The following GSG1L variants were observed in gnomAD, a reference collection of about 807,000 sequenced individuals.
GSG1L encodes germ cell-specific gene 1-like protein.
A neutral mutation model predicts 42.1 loss-of-function variants in GSG1L; 24 were observed. The ratio of observed to expected loss-of-function variants is 0.57; its 90% CI spans 0.41 to 0.80. The LOEUF (loss-of-function observed/expected upper bound fraction) is 0.80, where lower values mean the gene tolerates loss of function less well. Ranked by LOEUF, GSG1L falls within the 30% of genes least tolerant of loss-of-function variation. GSG1L has a pLI of 0.00. For missense variants in GSG1L, 445 were observed against 472.2 expected, an observed-to-expected ratio of 0.94 and a Z score of 0.53; for synonymous variants, 215 against 203.5, an observed-to-expected ratio of 1.06 and a Z score of -0.48.
At chr16:28,052,958 A>C (rs992216591) in intron 1 of GSG1L, among the ~76,000 whole-genome samples, 2 of 152,188 alleles carry the variant, frequency 1.3e-5, no homozygotes, top group African/African-American at 4.8e-5. Flanking sequence ...ACCACCCAGA[A>C]AGTCTCCCTC....
At chr16:27,993,600 C>T (rs2085477943) in intron 1 of GSG1L, among the ~76,000 whole-genome samples, 1 of 152,144 alleles carries the variant, frequency 6.6e-6, no homozygotes, top group African/African-American at 2.4e-5. Flanking sequence ...AGCCCCTGTG[C>T]CATGGCATTA....
intron 1 of GSG1L, among the ~76,000 whole-genome samples, chr16:28,006,339 C>T (rs1415522647): frequency 1.4e-5 from 2 of 139,984 alleles, no homozygotes; most frequent in South Asian, 2.2e-4. Context: ...GACAGAGTCT[C>T]GCTCTGTCAC....
chr16:27,870,808 G>A (rs1433989092), intron 3 of GSG1L, among the ~76,000 whole-genome samples: 5 of 151,408 alleles, frequency 3.3e-5, no homozygotes, highest in Admixed American at 6.6e-5. Context: ...ATCAAGTCCT[G>A]CCAGTTCTGC....
intron 6 of GSG1L, among the ~76,000 whole-genome samples, chr16:27,792,439 G>A (rs1348370380): frequency 2.6e-5 from 4 of 152,136 alleles, no homozygotes; most frequent in African/African-American, 9.7e-5. Flanking sequence ...CGTGTTTTTG[G>A]CAATTTTTGG....
At chr16:27,797,883 A>C (rs1221264080) in intron 6 of GSG1L, among the ~76,000 whole-genome samples, 1 of 151,502 alleles carries the variant, frequency 6.6e-6, no homozygotes, top group Non-Finnish European at 1.5e-5. Flanking sequence ...TCGTAGCAAC[A>C]TGGGTAGAGC....
intron 1 of GSG1L, among the ~76,000 whole-genome samples, chr16:28,055,040 G>A (rs2086264078): frequency 1.3e-5 from 2 of 152,178 alleles, no homozygotes; most frequent in Non-Finnish European, 2.9e-5. Context: ...GCCTCTGTGG[G>A]ATTTTAGTTG....
At chr16:27,910,970 A>C (rs575832099) in intron 2 of GSG1L, among the ~76,000 whole-genome samples, 1 of 152,132 alleles carries the variant, frequency 6.6e-6, no homozygotes, top group Non-Finnish European at 1.5e-5. Flanking sequence ...CCATGATTGC[A>C]TCACTGCACT....
chr16:27,811,495 G>A (rs570948908), intron 5 of GSG1L, among the ~76,000 whole-genome samples: 6 of 152,192 alleles, frequency 3.9e-5, no homozygotes, highest in South Asian at 2.1e-4. Context: ...TCCTCATCCC[G>A]GAACACCACC....
At chr16:27,939,025 G>A (rs2084754429) in intron 2 of GSG1L, among the ~76,000 whole-genome samples, 1 of 152,090 alleles carries the variant, frequency 6.6e-6, no homozygotes, top group Admixed American at 6.5e-5. Context: ...GAACTAACGG[G>A]GAACCCAGCA....
At chr16:27,978,418 C>A (rs150787353) in intron 1 of GSG1L, among the ~76,000 whole-genome samples, 2 of 150,178 alleles carry the variant, frequency 1.3e-5, no homozygotes, top group African/African-American at 4.9e-5. Context: ...GCCAGCTGGG[C>A]GCAGTGGCTC....
At chr16:27,870,364 C>T (rs2083802428) in intron 3 of GSG1L, among the ~76,000 whole-genome samples, 1 of 144,922 alleles carries the variant, frequency 6.9e-6, no homozygotes, top group South Asian at 2.2e-4. Flanking sequence ...CTCTCTGTCT[C>T]GTCCATCACT....
At chr16:27,849,901 A>G (rs1303621752) in intron 3 of GSG1L, among the ~76,000 whole-genome samples, 1 of 151,140 alleles carries the variant, frequency 6.6e-6, no homozygotes, top group Non-Finnish European at 1.5e-5. Flanking sequence ...GGGATCTAGG[A>G]TGACATCAAG....
intron 1 of GSG1L, among the ~76,000 whole-genome samples, chr16:28,056,775 C>G (rs2086283818): frequency 6.6e-6 from 1 of 152,026 alleles, no homozygotes; most frequent in Non-Finnish European, 1.5e-5. Flanking sequence ...GGCTTGTCCT[C>G]AGGGAGCCAG....
intron 1 of GSG1L, among the ~76,000 whole-genome samples, chr16:27,964,288 C>T (rs913992430): frequency 3.3e-5 from 5 of 150,190 alleles, no homozygotes; most frequent in African/African-American, 1.2e-4. Context: ...CACACCACTG[C>T]ACTCCAGCCT....
intron 4 of GSG1L, among the ~76,000 whole-genome samples, chr16:27,834,644 G>A (rs1596543438): frequency 6.6e-6 from 1 of 152,124 alleles, no homozygotes; most frequent in East Asian, 1.9e-4. Context: ...TTGGTAAATT[G>A]TGGCAGTTTG....
intron 3 of GSG1L, among the ~76,000 whole-genome samples, chr16:27,874,042 T>A (rs1238930353): frequency 6.6e-6 from 1 of 152,132 alleles, no homozygotes; most frequent in Non-Finnish European, 1.5e-5. Flanking sequence ...GGGGAGCAGG[T>A]GACAGCTCAG....
intron 2 of GSG1L, among the ~76,000 whole-genome samples, chr16:27,899,976 C>T (rs533621149): frequency 3.0e-4 from 46 of 152,196 alleles, no homozygotes; most frequent in Non-Finnish European, 6.0e-4. Context: ...CTTCAGCCTC[C>T]GCTCCTTGCC....
intron 1 of GSG1L, among the ~76,000 whole-genome samples, chr16:28,012,554 G>A (rs1168551362): frequency 6.6e-6 from 1 of 150,680 alleles, no homozygotes; most frequent in South Asian, 2.1e-4. Flanking sequence ...CAAACTTAGA[G>A]TGCAGATTGA....
At chr16:27,818,655 T>C (rs1289936642) in intron 5 of GSG1L, among the ~76,000 whole-genome samples, 2 of 152,072 alleles carry the variant, frequency 1.3e-5, no homozygotes, top group East Asian at 3.9e-4. Context: ...AAATAAGCAA[T>C]TCACGATGGA....
Sources: gnomAD v4.1 joint callset for allele counts (sites outside exome capture counted in the v4.1 genomes callset) on GRCh38, gnomAD v4.1.1 for gene constraint, MANE v1.5 for transcripts, NCBI Gene and HGNC (gene_info 2026-07-23, HGNC 2026-07-21) for gene names.